SLC24A2: variants seen among roughly 807,000 people sequenced by gnomAD.
SLC24A2 encodes the protein solute carrier family 24 member 2.
SLC24A2 carries 36 observed loss-of-function variants against 62.0 expected under a neutral mutation model. The observed-to-expected ratio is 0.58, with a 90% CI of 0.44 to 0.77. SLC24A2 has a LOEUF of 0.77. Among genes scored for constraint, SLC24A2 ranks in the 30% least tolerant of loss-of-function variants. The pLI, the probability that SLC24A2 is intolerant of heterozygous loss-of-function variation, is 0.00. For missense variants in SLC24A2, 846 were observed against 817.9 expected (o/e 1.03, Z -0.42); for synonymous variants, 358 against 294.0 (o/e 1.22, Z -2.23).
chr9:20,275,650 T>C, the SLC24A2 span, among the ~76,000 whole-genome samples: 12 of 152,224 alleles, frequency 7.9e-5, no homozygotes, highest in Non-Finnish European at 1.0e-4. Flanking sequence ...GATTGAGATA[T>C]AGCTATAGTG....
the SLC24A2 span, among the ~76,000 whole-genome samples, chr9:20,064,659 GGATTT>G: frequency 6.6e-6 from 1 of 152,156 alleles, no homozygotes; most frequent in Non-Finnish European, 1.5e-5. Context: ...CACAACTGAT[GGATTT>G]GATAATTGTC....
At chr9:19,828,195 T>C in the SLC24A2 span, among the ~76,000 whole-genome samples, 1 of 152,196 alleles carries the variant, frequency 6.6e-6, no homozygotes, top group African/African-American at 2.4e-5. Flanking sequence ...AAATCTAGTA[T>C]TGAATAAGAT....
chr9:20,190,454 G>A, the SLC24A2 span, among the ~76,000 whole-genome samples: 1 of 152,154 alleles, frequency 6.6e-6, no homozygotes, highest in East Asian at 1.9e-4. Flanking sequence ...TATGCCAGAA[G>A]CTGGTAAGAA....
At chr9:20,095,433 T>A in the SLC24A2 span, among the ~76,000 whole-genome samples, 1 of 152,204 alleles carries the variant, frequency 6.6e-6, no homozygotes, top group African/African-American at 2.4e-5. Context: ...ATAAGTAGAC[T>A]GAGTAAACCA....
chr9:19,677,327 G>C (rs537373977), intron 2 of SLC24A2, among the ~76,000 whole-genome samples: 1 of 152,074 alleles, frequency 6.6e-6, no homozygotes, highest in African/African-American at 2.4e-5. Flanking sequence ...ACTAACACAG[G>C]GACAGAAAAC....
chr9:20,177,781 A>G, the SLC24A2 span, among the ~76,000 whole-genome samples: 1 of 152,178 alleles, frequency 6.6e-6, no homozygotes, highest in South Asian at 2.1e-4. Flanking sequence ...TACCACATAC[A>G]GTATACTATT....
chr9:20,067,137 C>A, the SLC24A2 span, among the ~76,000 whole-genome samples: 1 of 152,204 alleles, frequency 6.6e-6, no homozygotes, highest in Non-Finnish European at 1.5e-5. Context: ...GTTTTAAAAT[C>A]TTTGTCAAAT....
At chr9:20,191,850 T>C in the SLC24A2 span, among the ~76,000 whole-genome samples, 1 of 152,122 alleles carries the variant, frequency 6.6e-6, no homozygotes, top group Non-Finnish European at 1.5e-5. Context: ...AAACCAACTA[T>C]ACTTGAGGCA....
the SLC24A2 span, among the ~76,000 whole-genome samples, chr9:20,271,259 G>A: frequency 2.6e-5 from 4 of 152,264 alleles, no homozygotes; most frequent in South Asian, 2.1e-4. Context: ...TCATTAAACT[G>A]TCCCCCATAT....
At chr9:20,298,471 G>A in the SLC24A2 span, among the ~76,000 whole-genome samples, 531 of 152,152 alleles carry the variant, frequency 3.5e-3, 1 homozygote, top group Admixed American at 4.9e-3. Flanking sequence ...TCAGGTGATC[G>A]GCCTGCCTCG....
the SLC24A2 span, among the ~76,000 whole-genome samples, chr9:20,167,522 C>T: frequency 1.3e-5 from 2 of 151,968 alleles, no homozygotes; most frequent in African/African-American, 2.4e-5. Flanking sequence ...GACCTAGAAG[C>T]AATGACACAC....
chr9:19,533,849 A>C (rs1833823724), intron 8 of SLC24A2, among the ~76,000 whole-genome samples: 1 of 152,232 alleles, frequency 6.6e-6, no homozygotes, highest in Non-Finnish European at 1.5e-5. Context: ...CTAACTAAGC[A>C]TGATCACTTA....
chr9:20,216,038 A>G, the SLC24A2 span, among the ~76,000 whole-genome samples: 1 of 152,204 alleles, frequency 6.6e-6, no homozygotes, highest in African/African-American at 2.4e-5. Context: ...AGCAGGGGAA[A>G]CCCATTAATT....
chr9:20,157,574 T>C, the SLC24A2 span, among the ~76,000 whole-genome samples: 1 of 151,584 alleles, frequency 6.6e-6, no homozygotes, highest in Non-Finnish European at 1.5e-5. Flanking sequence ...AAAGGGACTT[T>C]AAAGTGAGAG....
chr9:19,893,783 C>A, the SLC24A2 span, among the ~76,000 whole-genome samples: 1 of 151,988 alleles, frequency 6.6e-6, no homozygotes, highest in Admixed American at 6.5e-5. Context: ...GTTGTATTTT[C>A]CTCTCTCACG....
chr9:19,550,308 A>G, intron 7 of SLC24A2, 40 bp from the exon 8 acceptor site: 1 of 1,607,450 alleles, frequency 6.2e-7, no homozygotes, highest in Admixed American at 1.7e-5. Context: ...AAACAAAAAA[A>G]TAAAATGTAC....
chr9:19,588,564 G>C (rs920114098), intron 5 of SLC24A2, among the ~76,000 whole-genome samples: 6 of 151,464 alleles, frequency 4.0e-5, no homozygotes, highest in Non-Finnish European at 8.8e-5. Flanking sequence ...TAAAAACTCA[G>C]GTTTCTAAAA....
chr9:19,616,208 T>A (rs1817764128), intron 4 of SLC24A2, among the ~76,000 whole-genome samples: 1 of 152,230 alleles, frequency 6.6e-6, no homozygotes, highest in Admixed American at 6.5e-5. Context: ...TCATATATTG[T>A]GTTACTTTTC....
chr9:19,791,195 C>A (rs1365226024), upstream of SLC24A2, among the ~76,000 whole-genome samples: 2 of 152,180 alleles, frequency 1.3e-5, no homozygotes, highest in African/African-American at 2.4e-5. Flanking sequence ...TGGCTTTATC[C>A]TCATGGCTAC....
Sources: allele counts gnomAD v4.1 joint callset (sites outside exome capture counted in the v4.1 genomes callset), GRCh38; gene constraint gnomAD v4.1.1; transcripts MANE v1.5; gene names NCBI Gene and HGNC (gene_info 2026-07-23, HGNC 2026-07-21).